The following ARMH3 variants were observed in gnomAD, a reference collection of about 807,000 sequenced individuals.
ARMH3 encodes the protein armadillo like helical domain containing 3.
In ARMH3, 60 loss-of-function variants were observed where a neutral mutation model predicts 99.1. The ratio of observed to expected loss-of-function variants is 0.61; its 90% CI spans 0.49 to 0.75. The LOEUF (loss-of-function observed/expected upper bound fraction) is 0.75. Among genes scored for constraint, ARMH3 ranks in the 30% least tolerant of loss-of-function variants. The probability of loss-of-function intolerance (pLI) is 0.00; values close to 1 mark genes in which losing one functional copy is unlikely to be tolerated. For missense variants in ARMH3, 679 were observed against 843.1 expected (o/e 0.81, Z 2.41); for synonymous variants, 285 against 292.8 (o/e 0.97, Z 0.27).
At chr10:101,964,681 A>C (rs1180508374) in intron 20 of ARMH3, among the ~76,000 whole-genome samples, 1 of 152,160 alleles carries the variant, frequency 6.6e-6, no homozygotes, top group Non-Finnish European at 1.5e-5. Context: ...CAAATTCAGA[A>C]TTAGTGTTGC....
chr10:101,912,912 G>A (rs191026133), intron 23 of ARMH3: 3 of 152,210 alleles, frequency 2.0e-5, no homozygotes, highest in South Asian at 2.1e-4. Flanking sequence ...ACAAAACCCT[G>A]AAGTCAAAAC....
At chr10:102,009,203 T>C (rs2066576006) in intron 13 of ARMH3, among the ~76,000 whole-genome samples, 171 bp downstream of exon 13, 1 of 152,140 alleles carries the variant, frequency 6.6e-6, no homozygotes, top group Non-Finnish European at 1.5e-5. Context: ...AATGGAAACA[T>C]ACATATTTGA....
intron 24 of ARMH3, among the ~76,000 whole-genome samples, chr10:101,884,066 G>T (rs1012468068): frequency 2.0e-5 from 3 of 151,872 alleles, no homozygotes; most frequent in Non-Finnish European, 4.4e-5. Flanking sequence ...CGAGGGACAA[G>T]CTGAAGACCA....
chr10:101,849,862 T>C lies in ARMH3; in HGVS notation c.1891A>G (p.Thr631Ala). 1 of 1,614,038 alleles carries C rather than the reference T, an allele frequency of 6.2e-7. No homozygotes were observed. Among genetic ancestry groups the C allele is most frequent in the Non-Finnish European group, 8.5e-7 (1 of 1,179,984 alleles). Residue 631 changes from threonine (T) to alanine (A), a missense_variant, in exon 25 of 26, where the codon ACG (threonine) becomes GCG (alanine). By Grantham distance (58) the Thr-to-Ala change is moderately conservative. This residue lies in a region of ARMH3 where 389 missense variants were observed against 456.5 expected (regional missense o/e 0.85). Coordinates refer to ENST00000370033, the MANE Select transcript of ARMH3 (RefSeq NM_024541.3). Reference protein sequence around the residue: ...VLEVVRANYDTLTLKLQDGLD... With the variant: ...VLEVVRANYDALTLKLQDGLD... ...CCATCCTGCAGCTTCAGCGTGAGCG[T>C]GTCATAGTTGGCTCTCACCACCTCC...
intron 24 of ARMH3, among the ~76,000 whole-genome samples, chr10:101,865,194 C>T (rs2066971330): frequency 6.8e-6 from 1 of 146,324 alleles, no homozygotes; most frequent in Admixed American, 6.9e-5. Context: ...CCAGCCTGGG[C>T]GACAGTGTGA....
chr10:102,044,511 T>C (rs1399350308), intron 1 of ARMH3, among the ~76,000 whole-genome samples: 7 of 149,988 alleles, frequency 4.7e-5, no homozygotes, highest in Admixed American at 3.3e-4. Flanking sequence ...GCTAGAACTA[T>C]AGGTGCGCGC....
At chr10:101,961,939 CATTTA>C (rs1845316814) in intron 20 of ARMH3, among the ~76,000 whole-genome samples, 1 of 152,146 alleles carries the variant, frequency 6.6e-6, no homozygotes, top group Non-Finnish European at 1.5e-5. Flanking sequence ...CAGGATGTAC[CATTTA>C]ATTTAATCCT....
At chr10:101,979,374 CCA>C (rs1459104999) in intron 19 of ARMH3, among the ~76,000 whole-genome samples, 1 of 152,142 alleles carries the variant, frequency 6.6e-6, no homozygotes, top group East Asian at 1.9e-4. Flanking sequence ...TAGTAAAAAT[CCA>C]CATATTCTAT....
chr10:101,998,982 A>G (rs953823025), intron 15 of ARMH3, among the ~76,000 whole-genome samples: 2 of 152,206 alleles, frequency 1.3e-5, no homozygotes, highest in East Asian at 3.8e-4. Flanking sequence ...AAGAACCCAA[A>G]TATAAACTAC....
chr10:102,051,483 AAAAAAGAAAAAG>A (rs1039067695), intron 1 of ARMH3, among the ~76,000 whole-genome samples: 5 of 151,892 alleles, frequency 3.3e-5, no homozygotes, highest in African/African-American at 1.2e-4. Flanking sequence ...GGAAAAAAAA[AAAAAAGAAAAAG>A]AAAAAGAAAG....
chr10:102,021,360 G>T (rs767203033), intron 8 of ARMH3, among the ~76,000 whole-genome samples: 11 of 150,492 alleles, frequency 7.3e-5, no homozygotes, highest in African/African-American at 2.4e-4. Flanking sequence ...GATTACAGGC[G>T]TAAGCTACCG....
At position 102,006,602 on chromosome 10, in the gene ARMH3, G is replaced by A. The variant is rs777400744; in HGVS notation, c.986C>T (p.Pro329Leu). The A allele has an allele frequency of 1.2e-6, 2 of 1,613,956 alleles. No individual in the cohort carries two copies. Among genetic ancestry groups the A allele is most frequent in the African/African-American group, 1.3e-5 (1 of 74,930 alleles). Residue 329 changes from proline to leucine, a missense_variant, in exon 14 of 26, where the codon CCT (proline) becomes CTT (leucine). By Grantham distance (98) the Pro-to-Leu change is moderately conservative. Coordinates refer to ENST00000370033, the MANE Select transcript of ARMH3 (RefSeq NM_024541.3). ...TGGGGTTGTAGGAGCAGGACTGACA[G>A]GGGTCGTCACCAAGCCCATTTCTGG... The part of the protein sequence containing the change: ...SHPEMGLVTT[P>L]VSPAPTTPVT...
chr10:102,009,425 T>C lies in ARMH3; in HGVS notation c.903A>G (p.Ala301=). 1.2e-6 allele frequency: 2 copies of C among 1,614,124 alleles called. No homozygotes were observed. Among genetic ancestry groups the C allele is most frequent in the Non-Finnish European group, 1.7e-6 (2 of 1,179,988 alleles). The change falls in exon 13 of 26, where the codon GCA becomes GCG. Residue 301 remains alanine, a synonymous_variant. Transcript: ENST00000370033. ...GATTTAAATGAACAGCTTCATAAAGTGCCAGAAGAATGGCCTCATTGGTTC... is the reference window on the plus strand; with the variant it reads ...GATTTAAATGAACAGCTTCATAAAGCGCCAGAAGAATGGCCTCATTGGTTC... The part of the protein sequence containing the change: ...SVQTNEAILL[A]LYEAVHLNRN...
chr10:101,970,543 C>T (rs1366983293), intron 20 of ARMH3, among the ~76,000 whole-genome samples: 1 of 152,092 alleles, frequency 6.6e-6, no homozygotes, highest in African/African-American at 2.4e-5. Context: ...CTAAGTAGGC[C>T]GGGTGCTGTG....
At chr10:101,994,735 T>C (rs918913053) in intron 16 of ARMH3, among the ~76,000 whole-genome samples, 35 of 152,170 alleles carry the variant, frequency 2.3e-4, no homozygotes, top group African/African-American at 8.4e-4. Flanking sequence ...GCTCCTTTTT[T>C]ATTTTTTAAA....
chr10:102,036,089 G>A lies in ARMH3; in HGVS notation c.103-2750C>T, dbSNP rs1284905788. Among the ~76,000 whole-genome samples the A allele has an allele frequency of 6.0e-5, 9 of 150,074 alleles. No homozygotes were observed. In the South Asian group the frequency reaches 1.1e-3, roughly 18 times the overall value. On this transcript the variant is annotated intron_variant, in intron 2 of 25. Coordinates refer to ENST00000370033, the MANE Select transcript of ARMH3 (RefSeq NM_024541.3). ...TGGGAAGTGAGGAGCACCTCCGCCC[G>A]GCAGCCACCCCGTCTGGGAGGGAGG...
At chr10:102,021,835 C>T (rs1283934769) in intron 8 of ARMH3, among the ~76,000 whole-genome samples, 2 of 152,124 alleles carry the variant, frequency 1.3e-5, no homozygotes, top group African/African-American at 4.8e-5. Context: ...CATAAGCCAT[C>T]GCGCCCGGCC....
Position 101,946,071 on chromosome 10 carries a change from C to CAAAAAAAAAAAAAAAAAAAAAA in ARMH3, c.1706-6155_1706-6134dup, listed in dbSNP as rs569179050. Among the ~76,000 whole-genome samples the CAAAAAAAAAAAAAAAAAAAAAA allele has an allele frequency of 2.6e-4, 9 of 34,486 alleles. 1 individual carries two copies. Among genetic ancestry groups the CAAAAAAAAAAAAAAAAAAAAAA allele is most frequent in the African/African-American group, 1.4e-3 (6 of 4,174 alleles). The allele number at this position is 34,486 out of a possible 152,430, so 22.6% of individuals were successfully genotyped here. A position where few individuals can be genotyped will look rare whatever the true frequency, so the allele number is the denominator to read the frequency against. On this transcript the variant is annotated intron_variant, in intron 22 of 25. Coordinates refer to ENST00000370033, the MANE Select transcript of ARMH3 (RefSeq NM_024541.3). Reference sequence around the variant, plus strand: ...TGGGCGACAGAGTAAGACTCTGCCTCAAAAAAAAAAAAAAAAAAAAAAAAA... The same window carrying CAAAAAAAAAAAAAAAAAAAAAA: ...TGGGCGACAGAGTAAGACTCTGCCTCAAAAAAAAAAAAAAAAAAAAAAAAAAAAAAAAAAAAAAAAAAAAAAA...
intron 24 of ARMH3, among the ~76,000 whole-genome samples, chr10:101,875,516 T>C (rs937178642): frequency 3.3e-5 from 5 of 152,196 alleles, no homozygotes; most frequent in Non-Finnish European, 7.3e-5. Context: ...AGAAGGTTTT[T>C]TCCCCCCTTT....
Sources: gnomAD v4.1 joint callset for allele counts (sites outside exome capture counted in the v4.1 genomes callset) on GRCh38, gnomAD v4.1.1 for gene constraint, gnomAD v4.1.1 regional missense constraint, MANE v1.5 for transcripts, NCBI Gene and HGNC (gene_info 2026-07-23, HGNC 2026-07-21) for gene names.